Variants in NFIA observed in about 807,000 individuals in gnomAD.
NFIA encodes the protein nuclear factor 1 A-type.
NFIA carries 8 observed loss-of-function variants against 62.8 expected under a neutral mutation model. The ratio of observed to expected loss-of-function variants is 0.13; its 90% CI spans 0.07 to 0.23. NFIA has a LOEUF of 0.23. NFIA is among the 10% of genes least tolerant of loss of function. NFIA has a pLI of 1.00. For missense variants in NFIA, 410 were observed against 642.1 expected (o/e 0.64, Z 3.91); for synonymous variants, 235 against 238.1 (o/e 0.99, Z 0.12).
chr1:61,187,246 A>G (rs528093166), intron 2 of NFIA, among the ~76,000 whole-genome samples: 1 of 152,134 alleles, frequency 6.6e-6, no homozygotes, highest in East Asian at 1.9e-4. Context: ...TTGAAATGAG[A>G]TCTGTGATCC....
chr1:61,164,711 C>T (rs1305952762), intron 2 of NFIA, among the ~76,000 whole-genome samples: 1 of 152,146 alleles, frequency 6.6e-6, no homozygotes, highest in Non-Finnish European at 1.5e-5. Context: ...CTGCCCACCT[C>T]AGCCTCCCAA....
intron 7 of NFIA, among the ~76,000 whole-genome samples, chr1:61,400,697 A>G (rs756708687): frequency 2.0e-5 from 3 of 152,210 alleles, no homozygotes; most frequent in Non-Finnish European, 4.4e-5. Flanking sequence ...CTGGACTCAT[A>G]CCATTCTTCG....
intron 2 of NFIA, among the ~76,000 whole-genome samples, chr1:61,201,544 A>G (rs1422336239): frequency 6.6e-6 from 1 of 151,984 alleles, no homozygotes; most frequent in Non-Finnish European, 1.5e-5. Flanking sequence ...GAAAAAGGAA[A>G]TAAGGGAAGG....
intron 2 of NFIA, among the ~76,000 whole-genome samples, chr1:61,218,366 G>A (rs1354483201): frequency 6.6e-6 from 1 of 152,200 alleles, no homozygotes. Context: ...AGTGGTGTAT[G>A]TTGGAGTATA....
At chr1:61,308,233 C>G (rs1659905865) in intron 3 of NFIA, among the ~76,000 whole-genome samples, 1 of 152,078 alleles carries the variant, frequency 6.6e-6, no homozygotes, top group African/African-American at 2.4e-5. Context: ...CATTTTCTTT[C>G]TAGTAATGGT....
At chr1:61,389,360 G>A (rs907098403) in intron 7 of NFIA, among the ~76,000 whole-genome samples, 5 of 152,198 alleles carry the variant, frequency 3.3e-5, no homozygotes, top group Non-Finnish European at 7.3e-5. Flanking sequence ...CAATCAGACT[G>A]TGTCCCATGA....
chr1:61,141,367 C>G (rs186471012), intron 2 of NFIA, among the ~76,000 whole-genome samples: 1 of 152,004 alleles, frequency 6.6e-6, no homozygotes, highest in Admixed American at 6.6e-5. Context: ...TTAACCCTGT[C>G]GTCCAAACCA....
intron 2 of NFIA, among the ~76,000 whole-genome samples, chr1:61,259,193 A>G (rs546429127): frequency 5.7e-4 from 87 of 152,362 alleles, no homozygotes; most frequent in African/African-American, 2.0e-3. Flanking sequence ...GATAAAGAGA[A>G]GAAATTTGCT....
chr1:61,306,747 A>G (rs1426097829), intron 3 of NFIA, among the ~76,000 whole-genome samples: 39 of 152,184 alleles, frequency 2.6e-4, no homozygotes, highest in Admixed American at 2.5e-3. Context: ...CCCAACCTCA[A>G]AAACACATAG....
chr1:61,100,793 C>T (rs1646494560), intron 2 of NFIA, among the ~76,000 whole-genome samples: 1 of 152,072 alleles, frequency 6.6e-6, no homozygotes, highest in South Asian at 2.1e-4. Flanking sequence ...TAGAGTCTCA[C>T]TACATTGCCC....
At chr1:61,192,381 A>T (rs1300346709) in intron 2 of NFIA, among the ~76,000 whole-genome samples, 2 of 152,154 alleles carry the variant, frequency 1.3e-5, no homozygotes, top group Non-Finnish European at 2.9e-5. Context: ...CACCATGTGG[A>T]ACTGAACCTT....
At chr1:61,360,754 A>T (rs1325142271) in intron 6 of NFIA, among the ~76,000 whole-genome samples, 1 of 152,260 alleles carries the variant, frequency 6.6e-6, no homozygotes, top group African/African-American at 2.4e-5. Context: ...AGTAATCTAT[A>T]CAATCGTTAA....
intron 3 of NFIA, among the ~76,000 whole-genome samples, chr1:61,308,692 TTCTG>T (rs1412970075): frequency 6.6e-6 from 1 of 152,134 alleles, no homozygotes; most frequent in Non-Finnish European, 1.5e-5. Flanking sequence ...CATTTAAACT[TTCTG>T]TCTTAGTTTT....
At chr1:61,367,092 T>C (rs1036874990) in intron 6 of NFIA, among the ~76,000 whole-genome samples, 2 of 152,224 alleles carry the variant, frequency 1.3e-5, no homozygotes, top group African/African-American at 4.8e-5. Context: ...GTGTCACAAC[T>C]ACTGGCAGCA....
chr1:61,265,756 A>G (rs1657117438), intron 2 of NFIA, among the ~76,000 whole-genome samples: 1 of 152,222 alleles, frequency 6.6e-6, no homozygotes. Context: ...CTGAAACACA[A>G]AGTTTTCTGG....
intron 2 of NFIA, among the ~76,000 whole-genome samples, chr1:61,158,382 CCTA>C (rs1229613982): frequency 2.6e-5 from 4 of 152,102 alleles, no homozygotes; most frequent in African/African-American, 9.7e-5. Context: ...TAATTGGAAT[CCTA>C]CTACCCTGAT....
chr1:61,282,030 A>G (rs1416953541), intron 3 of NFIA, among the ~76,000 whole-genome samples: 1 of 152,164 alleles, frequency 6.6e-6, no homozygotes, highest in African/African-American at 2.4e-5. Flanking sequence ...GAAGCTGAAA[A>G]CCTAATTTGG....
chr1:61,299,069 A>G (rs1219338610), intron 3 of NFIA, among the ~76,000 whole-genome samples: 2 of 152,076 alleles, frequency 1.3e-5, no homozygotes, highest in Non-Finnish European at 2.9e-5. Flanking sequence ...GCTCTTTTCC[A>G]TTGCTTGACA....
chr1:61,320,167 G>T (rs1482634234), intron 3 of NFIA, among the ~76,000 whole-genome samples: 2 of 151,030 alleles, frequency 1.3e-5, no homozygotes, highest in Non-Finnish European at 2.9e-5. Flanking sequence ...TGACTTTAAA[G>T]TCTTAAAAGT....
Sources: gnomAD v4.1 joint callset for allele counts (sites outside exome capture counted in the v4.1 genomes callset) on GRCh38, gnomAD v4.1.1 for gene constraint, MANE v1.5 for transcripts, NCBI Gene and HGNC (gene_info 2026-07-23, HGNC 2026-07-21) for gene names.